Variants in QTMAN observed in about 807,000 individuals in gnomAD.
QTMAN encodes the protein tRNA-queuosine alpha-mannosyltransferase.
At chr2:144,215,518 G>T in the QTMAN span, among the ~76,000 whole-genome samples, 1 of 151,976 alleles carries the variant, frequency 6.6e-6, no homozygotes, top group Non-Finnish European at 1.5e-5. Flanking sequence ...ATATATTATT[G>T]TGAGGTTATA....
chr2:144,114,607 C>T, the QTMAN span, among the ~76,000 whole-genome samples: 1 of 152,122 alleles, frequency 6.6e-6, no homozygotes. Context: ...GACCTTAACT[C>T]TCAGGAGAAA....
At chr2:144,307,984 T>A in the QTMAN span, among the ~76,000 whole-genome samples, 40 of 152,156 alleles carry the variant, frequency 2.6e-4, no homozygotes, top group African/African-American at 9.7e-4. Flanking sequence ...GATTCTCTAA[T>A]TGATATGGAA....
chr2:144,147,396 T>C, the QTMAN span, among the ~76,000 whole-genome samples: 13 of 151,790 alleles, frequency 8.6e-5, no homozygotes, highest in Non-Finnish European at 4.4e-5. Context: ...CTACCACATA[T>C]AAGCCTCTCT....
At chr2:144,222,615 G>A in the QTMAN span, among the ~76,000 whole-genome samples, 1 of 151,582 alleles carries the variant, frequency 6.6e-6, no homozygotes, top group Non-Finnish European at 1.5e-5. Context: ...GACCATCTTG[G>A]CTAACACGGT....
At chr2:144,189,159 A>G in the QTMAN span, among the ~76,000 whole-genome samples, 2 of 152,188 alleles carry the variant, frequency 1.3e-5, no homozygotes, top group African/African-American at 4.8e-5. Context: ...GTATGCATAC[A>G]TATATGCATT....
At chr2:144,319,551 T>C in the QTMAN span, among the ~76,000 whole-genome samples, 1 of 152,006 alleles carries the variant, frequency 6.6e-6, no homozygotes, top group Non-Finnish European at 1.5e-5. Flanking sequence ...ACCAAAATTT[T>C]TTTTCATTTA....
chr2:144,286,338 G>T, the QTMAN span, among the ~76,000 whole-genome samples: 1 of 152,142 alleles, frequency 6.6e-6, no homozygotes, highest in Non-Finnish European at 1.5e-5. Flanking sequence ...ACTAAAGCAG[G>T]TATCTTAGGC....
At chr2:144,235,857 T>C in the QTMAN span, 2 of 152,434 alleles carry the variant, frequency 1.3e-5, no homozygotes, top group Non-Finnish European at 2.9e-5. Flanking sequence ...TATTCCAAGA[T>C]GGGAGAAGAA....
the QTMAN span, among the ~76,000 whole-genome samples, chr2:144,133,146 T>C: frequency 0.057 from 3,052 of 53,232 alleles, 352 homozygotes; most frequent in African/African-American, 0.27. Flanking sequence ...TATATATATA[T>C]ATATAATATA....
chr2:144,094,569 G>A, the QTMAN span, among the ~76,000 whole-genome samples: 3 of 151,996 alleles, frequency 2.0e-5, no homozygotes, highest in East Asian at 5.8e-4. Flanking sequence ...TGCAAGCAGG[G>A]GAAATACCAG....
At chr2:143,989,810 AG>A in the QTMAN span, among the ~76,000 whole-genome samples, 1 of 152,166 alleles carries the variant, frequency 6.6e-6, no homozygotes, top group Admixed American at 6.5e-5. Context: ...AATCAGTAAA[AG>A]TTCAGTAGGG....
chr2:144,182,776 T>G, the QTMAN span, among the ~76,000 whole-genome samples: 2 of 99,616 alleles, frequency 2.0e-5, no homozygotes, highest in Non-Finnish European at 4.0e-5. Context: ...CAGCAAGTTA[T>G]CAGGTACATT....
the QTMAN span, among the ~76,000 whole-genome samples, chr2:144,143,424 T>C: frequency 6.6e-6 from 1 of 152,006 alleles, no homozygotes; most frequent in African/African-American, 2.4e-5. Context: ...TTAGTTTAAG[T>C]CATATTTGCT....
chr2:144,031,941 G>A, the QTMAN span, among the ~76,000 whole-genome samples: 36 of 152,040 alleles, frequency 2.4e-4, no homozygotes, highest in South Asian at 5.8e-3. Flanking sequence ...AAACATTAGC[G>A]CCGGCTACTT....
chr2:144,114,153 G>C, the QTMAN span, among the ~76,000 whole-genome samples: 2 of 151,956 alleles, frequency 1.3e-5, no homozygotes, highest in Non-Finnish European at 2.9e-5. Context: ...CTGCCAACTG[G>C]GTCATTCCCT....
chr2:144,007,227 A>C, the QTMAN span: 1 of 1,610,236 alleles, frequency 6.2e-7, no homozygotes, highest in Non-Finnish European at 8.5e-7. Context: ...CTGATTATCA[A>C]CTCCACCCAA....
chr2:144,052,107 C>A, the QTMAN span, among the ~76,000 whole-genome samples: 204 of 152,278 alleles, frequency 1.3e-3, no homozygotes, highest in African/African-American at 4.8e-3. Context: ...ACAGTGCCAG[C>A]ACATTGTAGG....
chr2:144,078,618 T>C, the QTMAN span, among the ~76,000 whole-genome samples: 8 of 152,140 alleles, frequency 5.3e-5, no homozygotes, highest in Non-Finnish European at 8.8e-5. Flanking sequence ...TTACAATTCA[T>C]AGTAAATAGC....
At chr2:144,204,507 G>T in the QTMAN span, among the ~76,000 whole-genome samples, 1 of 152,196 alleles carries the variant, frequency 6.6e-6, no homozygotes, top group Non-Finnish European at 1.5e-5. Flanking sequence ...GTGCTGGAGA[G>T]GATGTGGAGA....
Sources: allele counts gnomAD v4.1 joint callset (sites outside exome capture counted in the v4.1 genomes callset), GRCh38; gene constraint gnomAD v4.1.1; transcripts MANE v1.5; gene names NCBI Gene and HGNC (gene_info 2026-07-23, HGNC 2026-07-21).